The following CSF1R variants were observed in gnomAD, a reference collection of about 807,000 sequenced individuals.
The protein encoded by CSF1R is colony stimulating factor 1 receptor.
In CSF1R, 40 loss-of-function variants were observed where a neutral mutation model predicts 110.0. The observed-to-expected ratio is 0.36, with a 90% CI of 0.28 to 0.47. CSF1R has a LOEUF of 0.47. CSF1R is among the 20% of genes least tolerant of loss of function. The probability of loss-of-function intolerance (pLI) is 0.99; values close to 1 mark genes in which losing one functional copy is unlikely to be tolerated. For missense variants in CSF1R, 1,052 were observed against 1,253.0 expected, an observed-to-expected ratio of 0.84 and a Z score of 2.42; for synonymous variants, 523 against 503.4, an observed-to-expected ratio of 1.04 and a Z score of -0.52.
rs200636943 is a variant in CSF1R at position 150,056,634 on chromosome 5, TC to T, written c.2320-294del. On this transcript the variant is annotated intron_variant, in intron 16 of 20. Transcript: ENST00000675795. ...GCTCAGGCCCCAGAAGCGAAGGGCT[TC>T]CGTGCAGAGAGCAGTCTCCAAACCC... Among the ~76,000 whole-genome samples, 64 of 152,326 alleles carry T rather than the reference TC, an allele frequency of 4.2e-4. No homozygotes were observed. The East Asian group carries it at 0.012, about 28-fold the overall frequency.
chr5:150,059,785 G>T lies in CSF1R; in HGVS notation c.2047C>A (p.Leu683Met). ...NFLRRKAEAM[L>M]GPSLSPGQDP... ...TGGCCGGGGCTCAGGCTGGGTCCCA[G>T]CATGGCCTCAGCCTTCCTTCGCAGA... Residue 683 changes from leucine (L) to methionine (M), a missense_variant, in exon 14 of 21, where the codon CTG (leucine) becomes ATG (methionine). This residue lies in a region of CSF1R where 124 missense variants were observed against 117.7 expected (regional missense o/e 1.05). Transcript: ENST00000675795. The T allele has an allele frequency of 6.2e-7, 1 of 1,614,188 alleles. No individual in the cohort carries two copies. Among genetic ancestry groups the T allele is most frequent in the Non-Finnish European group, 8.5e-7 (1 of 1,180,036 alleles).
intron 10 of CSF1R, among the ~76,000 whole-genome samples, chr5:150,062,588 C>T (rs1189219385): frequency 8.6e-6 from 1 of 115,676 alleles, no homozygotes; most frequent in Non-Finnish European, 1.9e-5. Context: ...CAGCACAGGT[C>T]AGAATTCCCT....
intron 1 of CSF1R, among the ~76,000 whole-genome samples, chr5:150,101,474 G>A (rs1446743825): frequency 1.3e-5 from 2 of 152,284 alleles, no homozygotes; most frequent in East Asian, 3.9e-4. Flanking sequence ...TAAGGGAAGA[G>A]GTAGGCCTGG....
chr5:150,069,797 G>A (rs1216780739), intron 9 of CSF1R, 76 bp downstream of exon 9: 2 of 1,270,114 alleles, frequency 1.6e-6, no homozygotes, highest in Non-Finnish European at 2.1e-6. Flanking sequence ...GGTGGGGGGT[G>A]GGGGAGGAGC....
At chr5:150,079,247 T>C (rs1055931338) in intron 3 of CSF1R, among the ~76,000 whole-genome samples, 2 of 152,214 alleles carry the variant, frequency 1.3e-5, no homozygotes, top group African/African-American at 4.8e-5. Flanking sequence ...CCCACACAGC[T>C]GGGGTCCTTT....
chr5:150,063,726 G>A (rs1404283973), intron 10 of CSF1R, among the ~76,000 whole-genome samples: 1 of 152,094 alleles, frequency 6.6e-6, no homozygotes, highest in African/African-American at 2.4e-5. Flanking sequence ...CCATGCTAAG[G>A]GTTGCCCACA....
chr5:150,087,924 T>G (rs1758909232), upstream of CSF1R, among the ~76,000 whole-genome samples: 1 of 152,120 alleles, frequency 6.6e-6, no homozygotes, highest in Non-Finnish European at 1.5e-5. Flanking sequence ...TTGGTAGACA[T>G]GGGGTTTCAC....
intron 14 of CSF1R, chr5:150,058,357 G>A (rs1316034040): frequency 2.2e-6 from 1 of 456,132 alleles, no homozygotes; most frequent in Admixed American, 2.3e-5. Context: ...AGCCAGATAG[G>A]ATTTCTCTCT....
At chr5:150,065,023 G>A (rs1325766872) in intron 10 of CSF1R, among the ~76,000 whole-genome samples, 1 of 152,222 alleles carries the variant, frequency 6.6e-6, no homozygotes, top group African/African-American at 2.4e-5. Context: ...TTGTCATGAT[G>A]GCAGCGGGTT....
chr5:150,066,142 C>G (rs1349964053), intron 10 of CSF1R, among the ~76,000 whole-genome samples: 1 of 152,218 alleles, frequency 6.6e-6, no homozygotes, highest in African/African-American at 2.4e-5. Flanking sequence ...AGACCTCCCC[C>G]TCCTTCCACC....
chr5:150,073,277 T>C (rs776865657), intron 6 of CSF1R, 24 bp downstream of exon 6: 4 of 1,603,156 alleles, frequency 2.5e-6, no homozygotes, highest in Non-Finnish European at 2.6e-6. Context: ...TCGGGCTGTG[T>C]AGACGGGAGC....
At chr5:150,074,600 C>A in intron 5 of CSF1R, among the ~76,000 whole-genome samples, 1 of 152,132 alleles carries the variant, frequency 6.6e-6, no homozygotes, top group East Asian at 1.9e-4. Context: ...CATGGTAGCC[C>A]CTGACATGCC....
chr5:150,098,510 G>A (rs1040309662), intron 1 of CSF1R: 6 of 152,382 alleles, frequency 3.9e-5, no homozygotes, highest in African/African-American at 1.4e-4. Context: ...ACCTTAAAAA[G>A]TAAATCTATA....
At chr5:150,087,352 A>G (rs1304307768), upstream of CSF1R, among the ~76,000 whole-genome samples, 1 of 152,238 alleles carries the variant, frequency 6.6e-6, no homozygotes, top group African/African-American at 2.4e-5. Context: ...GACATTTACT[A>G]GCCAAACCTT....
chr5:150,103,647 T>C (rs796355504), intron 1 of CSF1R, among the ~76,000 whole-genome samples: 13 of 152,274 alleles, frequency 8.5e-5, no homozygotes, highest in African/African-American at 3.1e-4. Context: ...GGAGAGTCTG[T>C]GAGGCCTTCC....
chr5:150,080,430 G>T, intron 2 of CSF1R, 94 bp from the exon 3 acceptor site: 1 of 1,476,282 alleles, frequency 6.8e-7, no homozygotes, highest in Non-Finnish European at 9.1e-7. Flanking sequence ...CAGAGAGGCT[G>T]ATCATTCATC....
At chr5:150,097,371 GAAGGAAAGAAGGAAAAGA>G (rs891757263) in intron 1 of CSF1R, among the ~76,000 whole-genome samples, 4 of 146,904 alleles carry the variant, frequency 2.7e-5, no homozygotes, top group African/African-American at 7.6e-5. Context: ...GAGAGAAAGA[GAAGGAAAGAAGGAAAAGA>G]AAGGAAAGAA....
intron 9 of CSF1R, 40 bp downstream of exon 9, chr5:150,069,833 C>A: frequency 7.4e-7 from 1 of 1,359,254 alleles, no homozygotes; most frequent in Non-Finnish European, 9.5e-7. Context: ...GGGCGGGGGG[C>A]GGGCGGGGGG....
intron 1 of CSF1R, among the ~76,000 whole-genome samples, chr5:150,095,775 AAAAAC>A (rs1366283171): frequency 2.0e-5 from 3 of 151,640 alleles, no homozygotes; most frequent in East Asian, 1.9e-4. Flanking sequence ...AAAAAAAAAA[AAAAAC>A]AAGAAAAACA....
Sources: allele counts gnomAD v4.1 joint callset (sites outside exome capture counted in the v4.1 genomes callset), GRCh38; gene constraint gnomAD v4.1.1; regional missense constraint gnomAD v4.1.1; transcripts MANE v1.5; gene names NCBI Gene and HGNC (gene_info 2026-07-23, HGNC 2026-07-21).